The following CORO7 variants were observed in gnomAD, a reference collection of about 807,000 sequenced individuals.
CORO7 encodes the protein coronin-7.
In CORO7, 107 loss-of-function variants were observed where a neutral mutation model predicts 126.6. The ratio of observed to expected loss-of-function variants is 0.85; its 90% confidence interval spans 0.72 to 0.99. CORO7 has a LOEUF of 0.99. Ranked by LOEUF, CORO7 falls within the 50% of genes least tolerant of loss-of-function variation. The pLI is 0.00. For synonymous variants in CORO7, 603 were observed against 536.8 expected, an observed-to-expected ratio of 1.12 and a Z score of -1.70; for missense variants, 1,314 against 1,255.8, an observed-to-expected ratio of 1.05 and a Z score of -0.70.
At chr16:4,364,975 G>A in intron 11 of CORO7, 28 bp downstream of exon 11, 1 of 1,605,266 alleles carries the variant, frequency 6.2e-7, no homozygotes, top group Non-Finnish European at 8.5e-7. Context: ...GGGAGGGTAG[G>A]GGATGGGGGC....
chr16:4,370,590 C>A (rs1240293962), intron 9 of CORO7, among the ~76,000 whole-genome samples: 1 of 152,228 alleles, frequency 6.6e-6, no homozygotes, highest in African/African-American at 2.4e-5. Context: ...CCATGTAGAC[C>A]GAGAAACGTA....
chr16:4,404,016 C>T (rs1480610466), intron 6 of CORO7, among the ~76,000 whole-genome samples: 1 of 152,156 alleles, frequency 6.6e-6, no homozygotes, highest in Non-Finnish European at 1.5e-5. Flanking sequence ...TTATTGGCCC[C>T]CAGAGCTTAG....
At chr16:4,394,532 GA>G (rs2055515776) in intron 7 of CORO7, among the ~76,000 whole-genome samples, 1 of 151,580 alleles carries the variant, frequency 6.6e-6, no homozygotes, top group Non-Finnish European at 1.5e-5. Flanking sequence ...CCCTCGCGCA[GA>G]CCCCTCAGAC....
intron 9 of CORO7, among the ~76,000 whole-genome samples, chr16:4,374,299 C>T (rs1409131714): frequency 5.9e-5 from 9 of 152,142 alleles, no homozygotes. Context: ...CGCTTTCCCT[C>T]CGCGCTGGGC....
rs746084994 is a variant in CORO7, at chr16:4,362,008, C to A, written c.1555G>T (p.Gly519Trp). 6.2e-7 allele frequency: 1 copy of A among 1,610,598 alleles called. No homozygotes were observed. The highest frequency in any genetic ancestry group is 1.1e-5 in the South Asian group (1 of 90,810). Reference sequence around the variant, plus strand: ...ACCTCAAGCACAGCCACCTGTCCCCCGCTGCTGAGCAGCGGCACGGCCACA... The same window carrying A: ...ACCTCAAGCACAGCCACCTGTCCCCAGCTGCTGAGCAGCGGCACGGCCACA... ...LRVAVPLLSS[G>W]GQVAVLELRK... Residue 519 changes from glycine (G) to tryptophan (W), a missense_variant, in exon 16 of 28, where the codon GGG becomes TGG. By Grantham distance (184) the Gly-to-Trp change is radical. Coordinates refer to ENST00000251166, the MANE Select transcript of CORO7 (RefSeq NM_024535.5). The surrounding 1 kb of genome is among the most constrained non-coding windows in gnomAD (Gnocchi z 5.3).
intron 3 of CORO7, among the ~76,000 whole-genome samples, chr16:4,408,781 G>A (rs1488151130): frequency 1.3e-5 from 2 of 152,110 alleles, no homozygotes; most frequent in East Asian, 1.9e-4. Context: ...TGGGCAACAC[G>A]GTGAAACCCC....
rs200078924 is a variant in CORO7 at position 4,362,596 on chromosome 16, C to T, written c.1402+16G>A. Reference sequence around the variant, plus strand: ...GCTCCTGCGGTAGGGGTGAGCTCCCCGTCCTGCCTCCTTACCCAGCAGGCT... The same window carrying T: ...GCTCCTGCGGTAGGGGTGAGCTCCCTGTCCTGCCTCCTTACCCAGCAGGCT... On this transcript the variant is annotated intron_variant, in intron 15 of 27. Transcript: ENST00000251166. The surrounding 1 kb of genome is among the most constrained non-coding windows in gnomAD (Gnocchi z 5.3). 1.9e-4 allele frequency: 288 copies of T among 1,545,558 alleles called. No homozygotes were observed. In the African/African-American group the frequency reaches 3.3e-3, roughly 18 times the overall value.
In CORO7 at chr16:4,405,693, G is replaced by T. The variant is rs111959634; in HGVS notation, c.488-126C>A. The T allele has an allele frequency of 1.5e-5, 17 of 1,140,430 alleles. 1 individual carries two copies. The African/African-American group carries it at 1.6e-4, about 10-fold the overall frequency. The allele number at this position is 1,140,430 out of a possible 1,614,324, so 70.6% of individuals were successfully genotyped here. A position where few individuals can be genotyped will look rare whatever the true frequency, so the allele number is the denominator to read the frequency against. ...AGCTACGAGGGTCCTTTTCAGCCAA[G>T]GGGGCAAGGGCAGCAGCTTCTCCCA... On this transcript the variant is annotated intron_variant, in intron 5 of 27. Transcript: ENST00000251166.
At chr16:4,371,811 C>G (rs1430396546) in intron 9 of CORO7, 1 of 152,118 alleles carries the variant, frequency 6.6e-6, no homozygotes, top group African/African-American at 2.4e-5. Flanking sequence ...GGCCCGCCCC[C>G]CGGGACTCTT....
chr16:4,357,743 C>G (rs12709117), intron 25 of CORO7: 107,782 of 690,894 alleles, frequency 0.16, 16,220 homozygotes, highest in African/African-American at 0.64. Flanking sequence ...CTAGACACCA[C>G]AGTGTGTGCG....
intron 2 of CORO7, 126 bp from the exon 3 acceptor site, chr16:4,412,556 A>C: frequency 1.1e-6 from 1 of 939,950 alleles, no homozygotes; most frequent in South Asian, 1.5e-5. Flanking sequence ...TACCAATCAC[A>C]AGATCATATC....
chr16:4,370,185 A>C lies in CORO7; in HGVS notation c.786-4640T>G, dbSNP rs537762004. The stretch of plus-strand genomic sequence containing the variant: ...TACCCCTGACCCTGGGCATCTGTGG[A>C]TGCTTCTGAGGGCTTCAGAGGACAC... On this transcript the variant is annotated intron_variant, in intron 9 of 27. Coordinates refer to ENST00000251166, the MANE Select transcript of CORO7 (RefSeq NM_024535.5). Among the ~76,000 whole-genome samples the C allele has an allele frequency of 1.2e-3, 177 of 152,328 alleles. 1 individual carries two copies. The highest frequency in any genetic ancestry group is 1.9e-3 in the Non-Finnish European group (129 of 68,030).
rs79200046 is a variant in CORO7 at position 4,395,477 on chromosome 16, G to C, written c.565-138C>G. 2.5e-3 allele frequency: 2,732 copies of C among 1,100,926 alleles called. 28 individuals are homozygous for C. The African/African-American group carries it at 0.027, about 11-fold the overall frequency. The allele number at this position is 1,100,926 out of a possible 1,614,324, so 68.2% of individuals were successfully genotyped here. On this transcript the variant is annotated intron_variant, in intron 6 of 27. Coordinates refer to ENST00000251166, the MANE Select transcript of CORO7 (RefSeq NM_024535.5). ...CGCAGGGCTGCCATCACACACCAGG[G>C]CATCCCTCCTCAGCCCTGTTCCTCC...
intron 7 of CORO7, among the ~76,000 whole-genome samples, chr16:4,389,408 A>T (rs1387344688): frequency 6.6e-6 from 1 of 152,058 alleles, no homozygotes; most frequent in African/African-American, 2.4e-5. Context: ...GCCTGAGACG[A>T]AGGACCCTGT....
At chr16:4,386,576 C>T (rs919908894) in intron 9 of CORO7, among the ~76,000 whole-genome samples, 12 of 152,158 alleles carry the variant, frequency 7.9e-5, no homozygotes, top group East Asian at 1.9e-4. Context: ...CCGGGAGCTC[C>T]GACTCCTCAA....
chr16:4,404,375 TG>T (rs2055920822), intron 6 of CORO7, among the ~76,000 whole-genome samples: 1 of 152,198 alleles, frequency 6.6e-6, no homozygotes, highest in African/African-American at 2.4e-5. Context: ...CCTTTGGCCC[TG>T]GTTTCAGGCT....
chr16:4,354,909 A>G lies in CORO7; in HGVS notation c.*249T>C, dbSNP rs1342242680. ...AGGGACATGCTGCTGACCCCCCGCC[A>G]CCCTGCACCCCTGGCCACATGCTAG... is the stretch of plus-strand genomic sequence containing the variant. On this transcript the variant is annotated 3_prime_UTR_variant, in exon 28 of 28. Transcript: ENST00000251166. The G allele has an allele frequency of 4.5e-6, 2 of 446,630 alleles. No individual in the cohort carries two copies. The highest frequency in any genetic ancestry group is 7.9e-6 in the Non-Finnish European group (2 of 254,168). The allele number at this position is 446,630 out of a possible 1,614,324, so 27.7% of individuals were successfully genotyped here. A position where few individuals can be genotyped will look rare whatever the true frequency, so the allele number is the denominator to read the frequency against.
intron 5 of CORO7, among the ~76,000 whole-genome samples, chr16:4,406,290 G>C (rs963194146): frequency 6.6e-6 from 1 of 151,020 alleles, no homozygotes; most frequent in Non-Finnish European, 1.5e-5. Context: ...ATGAGCCACC[G>C]TGCCCGGCCT....
At chr16:4,412,664 T>C (rs1326912012) in intron 2 of CORO7, 3 of 541,648 alleles carry the variant, frequency 5.5e-6, no homozygotes, top group African/African-American at 1.9e-5. Context: ...AGAGGTCCTC[T>C]CTTTTTAACA....
Sources: allele counts gnomAD v4.1 joint callset (sites outside exome capture counted in the v4.1 genomes callset), GRCh38; gene constraint gnomAD v4.1.1; non-coding constraint Gnocchi (gnomAD v3.1); transcripts MANE v1.5; gene names NCBI Gene and HGNC (gene_info 2026-07-23, HGNC 2026-07-21).